Variants in FGF12 observed in about 807,000 individuals in gnomAD.
The protein encoded by FGF12 is fibroblast growth factor 12.
A neutral mutation model predicts 23.6 loss-of-function variants in FGF12; 14 were observed. That is an observed-to-expected ratio of 0.59 (90% CI 0.39 to 0.93). The LOEUF (loss-of-function observed/expected upper bound fraction) is 0.93. Ranked by LOEUF, FGF12 falls within the 40% of genes least tolerant of loss-of-function variation. FGF12 has a pLI of 0.00. For synonymous variants in FGF12, 62 were observed against 77.3 expected, an observed-to-expected ratio of 0.80 and a Z score of 1.04; for missense variants, 175 against 217.8, an observed-to-expected ratio of 0.80 and a Z score of 1.24.
chr3:192,485,897 G>A, intron 2 of FGF12, among the ~76,000 whole-genome samples: 1 of 152,126 alleles, frequency 6.6e-6, no homozygotes, highest in African/African-American at 2.4e-5. Context: ...GTATAGACTT[G>A]TTTATAATTT....
chr3:192,323,364 G>A (rs1197970640), intron 4 of FGF12, among the ~76,000 whole-genome samples: 3 of 152,144 alleles, frequency 2.0e-5, no homozygotes, highest in Admixed American at 2.0e-4. Context: ...TATGCCCAAT[G>A]GAATATTATC....
intron 2 of FGF12, among the ~76,000 whole-genome samples, chr3:192,438,043 T>A (rs1722081575): frequency 6.6e-6 from 1 of 152,236 alleles, no homozygotes; most frequent in Admixed American, 6.5e-5. Flanking sequence ...TCTGCAAATA[T>A]ACTGAGCTTG....
intron 2 of FGF12, among the ~76,000 whole-genome samples, chr3:192,719,641 C>G (rs927619818): frequency 1.3e-5 from 2 of 150,764 alleles, no homozygotes; most frequent in Non-Finnish European, 2.9e-5. Context: ...GAAGGAAAAG[C>G]CTTTAGATAA....
intron 2 of FGF12, among the ~76,000 whole-genome samples, chr3:192,445,718 A>C (rs1364643290): frequency 6.6e-6 from 1 of 152,170 alleles, no homozygotes; most frequent in African/African-American, 2.4e-5. Flanking sequence ...TAAAGAGTTC[A>C]TCCCAAACTC....
At chr3:192,173,068 T>G (rs1405279178) in intron 4 of FGF12, among the ~76,000 whole-genome samples, 1 of 150,848 alleles carries the variant, frequency 6.6e-6, no homozygotes, top group African/African-American at 2.4e-5. Context: ...TCCATTTATA[T>G]GAAATGTCCA....
At chr3:192,335,331 A>G (rs764819893) in intron 4 of FGF12, 30 bp downstream of exon 4, 1 of 1,427,716 alleles carries the variant, frequency 7.0e-7, no homozygotes, top group Non-Finnish European at 9.9e-7. Context: ...TCACACACAT[A>G]CACACAAATA....
chr3:192,412,282 TA>T (rs1467245931), intron 2 of FGF12, among the ~76,000 whole-genome samples: 1 of 152,214 alleles, frequency 6.6e-6, no homozygotes, highest in Non-Finnish European at 1.5e-5. Flanking sequence ...TCTGTAGGTT[TA>T]TGAGATATGA....
At chr3:192,709,536 A>G (rs1718594948) in intron 2 of FGF12, among the ~76,000 whole-genome samples, 1 of 152,146 alleles carries the variant, frequency 6.6e-6, no homozygotes, top group Non-Finnish European at 1.5e-5. Context: ...TTACTATGAG[A>G]CTCAAGAAAC....
intron 2 of FGF12, among the ~76,000 whole-genome samples, chr3:192,480,677 A>G (rs930815333): frequency 1.3e-5 from 2 of 152,172 alleles, no homozygotes; most frequent in Non-Finnish European, 2.9e-5. Flanking sequence ...CTCTCCCTAC[A>G]CTGAAGCAAC....
At chr3:192,646,230 A>C (rs945725435) in intron 2 of FGF12, among the ~76,000 whole-genome samples, 2 of 151,830 alleles carry the variant, frequency 1.3e-5, no homozygotes, top group African/African-American at 4.8e-5. Context: ...CAATCAATCA[A>C]TCAATCATCA....
intron 3 of FGF12, 125 bp from the exon 4 acceptor site, chr3:192,335,589 TAAAG>T: frequency 1.5e-6 from 1 of 649,830 alleles, no homozygotes. Flanking sequence ...GAGAGAGAAA[TAAAG>T]AGAGGTCTAA....
At chr3:192,620,009 G>A (rs550134003) in intron 2 of FGF12, among the ~76,000 whole-genome samples, 32 of 152,124 alleles carry the variant, frequency 2.1e-4, no homozygotes, top group East Asian at 1.6e-3. Context: ...GTTTCAGACC[G>A]GGATACCCTG....
At chr3:192,499,840 GC>G (rs1560130450) in intron 2 of FGF12, among the ~76,000 whole-genome samples, 1 of 151,852 alleles carries the variant, frequency 6.6e-6, no homozygotes, top group African/African-American at 2.4e-5. Context: ...GAGCCACCGT[GC>G]CCGGCCTGCT....
chr3:192,348,468 T>TA (rs920391069), intron 3 of FGF12, among the ~76,000 whole-genome samples: 1 of 152,176 alleles, frequency 6.6e-6, no homozygotes, highest in Admixed American at 6.6e-5. Context: ...TTATTATCTC[T>TA]AAAAAATGTT....
rs1469764484 is a variant in FGF12, at chr3:192,143,739, A to G, written c.*270T>C. On this transcript the variant is annotated 3_prime_UTR_variant, in exon 6 of 6. Coordinates refer to ENST00000445105, the MANE Select transcript of FGF12 (RefSeq NM_004113.6). ...TAATAACAATACAGTTTAATTTAAT[A>G]TTTATGGAGTTCTGATTTATTTTTT... is the stretch of plus-strand genomic sequence containing the variant. The G allele has an allele frequency of 2.9e-6, 1 of 348,998 alleles. No homozygotes were observed. Among genetic ancestry groups the G allele is most frequent in the Non-Finnish European group, 5.2e-6 (1 of 193,292 alleles). The allele number at this position is 348,998 out of a possible 1,614,324, so 21.6% of individuals were successfully genotyped here. A position where few individuals can be genotyped will look rare whatever the true frequency, so the allele number is the denominator to read the frequency against.
chr3:192,644,122 T>C (rs778338172), intron 2 of FGF12, among the ~76,000 whole-genome samples: 3 of 152,232 alleles, frequency 2.0e-5, no homozygotes, highest in African/African-American at 2.4e-5. Flanking sequence ...CGTTTGATCA[T>C]ATTGCTTCCC....
chr3:192,510,558 T>G (rs991923649), intron 2 of FGF12, among the ~76,000 whole-genome samples: 26 of 152,168 alleles, frequency 1.7e-4, no homozygotes, highest in African/African-American at 6.3e-4. Flanking sequence ...AAAGACAGTT[T>G]GACACTGTCT....
At chr3:192,217,906 G>A (rs1268493297) in intron 4 of FGF12, among the ~76,000 whole-genome samples, 4 of 150,850 alleles carry the variant, frequency 2.7e-5, no homozygotes, top group East Asian at 2.0e-4. Flanking sequence ...GCATGATCTC[G>A]GCTCACCGCA....
chr3:192,427,088 G>T (rs141127611), intron 2 of FGF12, among the ~76,000 whole-genome samples: 77 of 152,218 alleles, frequency 5.1e-4, no homozygotes, highest in African/African-American at 1.8e-3. Context: ...CACTATAAGA[G>T]TAGAAGAGTG....
Sources: gnomAD v4.1 joint callset for allele counts (sites outside exome capture counted in the v4.1 genomes callset) on GRCh38, gnomAD v4.1.1 for gene constraint, MANE v1.5 for transcripts, NCBI Gene and HGNC (gene_info 2026-07-23, HGNC 2026-07-21) for gene names.